The following GOLM2 variants were observed in gnomAD, a reference collection of about 807,000 sequenced individuals.
GOLM2 encodes golgi membrane protein 2, also known as protein GOLM2.
A neutral mutation model predicts 55.9 loss-of-function variants in GOLM2; 26 were observed. The observed-to-expected ratio is 0.47, with a 90% CI of 0.34 to 0.65. GOLM2 has a LOEUF of 0.65. GOLM2 is among the 30% of genes least tolerant of loss of function. The probability of loss-of-function intolerance (pLI) is 0.01; values close to 1 mark genes in which losing one functional copy is unlikely to be tolerated. For synonymous variants in GOLM2, 165 were observed against 194.6 expected (o/e 0.85, Z 1.27); for missense variants, 486 against 531.8 (o/e 0.91, Z 0.85).
chr15:44,396,356 A>C (rs1003911606), intron 8 of GOLM2, among the ~76,000 whole-genome samples: 2 of 149,044 alleles, frequency 1.3e-5, no homozygotes, highest in African/African-American at 5.0e-5. Context: ...AGACTCCATC[A>C]AAAAAAAAAA....
intron 1 of GOLM2, among the ~76,000 whole-genome samples, chr15:44,301,663 T>C (rs1020803548): frequency 4.0e-5 from 6 of 151,808 alleles, no homozygotes; most frequent in African/African-American, 1.5e-4. Flanking sequence ...AAAGATTGAG[T>C]GAGAGGTTTG....
chr15:44,302,753 A>T (rs2078807665), intron 1 of GOLM2, among the ~76,000 whole-genome samples: 1 of 152,074 alleles, frequency 6.6e-6, no homozygotes, highest in African/African-American at 2.4e-5. Flanking sequence ...GGCCTCCCAA[A>T]GTGTTGGGAT....
chr15:44,326,144 C>T (rs1367522271), intron 2 of GOLM2, among the ~76,000 whole-genome samples: 1 of 149,554 alleles, frequency 6.7e-6, no homozygotes, highest in South Asian at 2.1e-4. Flanking sequence ...TGCCTGTAAT[C>T]CCAGCAACTC....
rs935617240 is a variant in GOLM2 at position 44,289,194 on chromosome 15, C to T, written c.165C>T (p.Arg55=). The change falls in exon 1 of 10, where the codon CGC becomes CGT. Residue 55 remains arginine, a synonymous_variant. Transcript: ENST00000299957. The surrounding 1 kb of genome is among the most constrained non-coding windows in gnomAD (Gnocchi z 4.8). ...EVAELQGQVQ[R]TEVARGRLEK... Reference sequence around the variant, plus strand: ...CCGAGCTGCAGGGCCAGGTCCAGCGCACCGAAGTGGCCCGCGGGCGGCTGG... The same window carrying T: ...CCGAGCTGCAGGGCCAGGTCCAGCGTACCGAAGTGGCCCGCGGGCGGCTGG... The T allele has an allele frequency of 7.4e-6, 12 of 1,614,190 alleles. No individual in the cohort carries two copies. The highest frequency in any genetic ancestry group is 1.0e-5 in the Non-Finnish European group (12 of 1,180,028).
chr15:44,347,367 C>T (rs1344588210), intron 6 of GOLM2, among the ~76,000 whole-genome samples: 1 of 152,198 alleles, frequency 6.6e-6, no homozygotes, highest in Non-Finnish European at 1.5e-5. Context: ...CCCCCAACCC[C>T]TGCAGTGGCC....
chr15:44,323,839 C>T (rs1443831597), intron 2 of GOLM2, among the ~76,000 whole-genome samples: 1 of 152,092 alleles, frequency 6.6e-6, no homozygotes, highest in Non-Finnish European at 1.5e-5. Context: ...AAGTAGCCAA[C>T]CTTAGCTGGC....
intron 1 of GOLM2, among the ~76,000 whole-genome samples, chr15:44,302,269 C>T (rs2078804026): frequency 6.6e-6 from 1 of 151,518 alleles, no homozygotes; most frequent in South Asian, 2.1e-4. Flanking sequence ...CTCAGCCTCC[C>T]AAGTAGCTGG....
At chr15:44,348,188 T>C (rs927546885) in intron 6 of GOLM2, among the ~76,000 whole-genome samples, 1 of 152,104 alleles carries the variant, frequency 6.6e-6, no homozygotes, top group African/African-American at 2.4e-5. Context: ...GGAGATTAGG[T>C]CTTGCAGTGT....
At chr15:44,344,842 A>G (rs542668682) in intron 6 of GOLM2, among the ~76,000 whole-genome samples, 2 of 150,292 alleles carry the variant, frequency 1.3e-5, no homozygotes, top group Admixed American at 6.6e-5. Flanking sequence ...CAGTGGCGCA[A>G]TCTTGGCTCA....
intron 6 of GOLM2, among the ~76,000 whole-genome samples, chr15:44,368,594 G>C (rs1039164420): frequency 4.6e-5 from 7 of 151,584 alleles, no homozygotes; most frequent in African/African-American, 1.7e-4. Context: ...TTTCACTTTA[G>C]ATGTCGTACT....
chr15:44,297,404 G>A (rs2078763703), intron 1 of GOLM2, among the ~76,000 whole-genome samples: 1 of 152,026 alleles, frequency 6.6e-6, no homozygotes, highest in Non-Finnish European at 1.5e-5. Context: ...ACTATCTCCT[G>A]ACCCAAATTG....
chr15:44,362,890 A>G (rs1468714926), intron 6 of GOLM2, among the ~76,000 whole-genome samples: 1 of 152,208 alleles, frequency 6.6e-6, no homozygotes, highest in Non-Finnish European at 1.5e-5. Context: ...ATAACGCCGC[A>G]TATCTACAGC....
chr15:44,378,298 G>A (rs531330580), intron 6 of GOLM2, among the ~76,000 whole-genome samples: 50 of 150,520 alleles, frequency 3.3e-4, no homozygotes, highest in African/African-American at 7.1e-4. Context: ...CTCGTGAGCC[G>A]CCCGCCTCGG....
intron 1 of GOLM2, among the ~76,000 whole-genome samples, chr15:44,314,949 T>A (rs1595621550): frequency 1.3e-5 from 2 of 152,188 alleles, no homozygotes; most frequent in South Asian, 4.1e-4. Flanking sequence ...ACAAAAATAA[T>A]CATTTAATAC....
chr15:44,412,651 T>C (rs1478782926), intron 9 of GOLM2, among the ~76,000 whole-genome samples: 1 of 152,152 alleles, frequency 6.6e-6, no homozygotes, highest in Non-Finnish European at 1.5e-5. Context: ...TGAAAATGTG[T>C]ACAGAAATGT....
chr15:44,389,494 C>G (rs913427664), intron 8 of GOLM2, among the ~76,000 whole-genome samples: 3 of 152,064 alleles, frequency 2.0e-5, no homozygotes, highest in Admixed American at 6.6e-5. Flanking sequence ...CGCCACTGCA[C>G]TCCAGCTTAG....
intron 9 of GOLM2, among the ~76,000 whole-genome samples, chr15:44,404,510 C>T (rs964869273): frequency 4.6e-5 from 7 of 151,844 alleles, no homozygotes; most frequent in African/African-American, 1.7e-4. Context: ...TAAATATAAC[C>T]TTACAATATT....
chr15:44,395,846 TAATAA>T (rs1172873430), intron 8 of GOLM2, among the ~76,000 whole-genome samples: 2 of 151,748 alleles, frequency 1.3e-5, no homozygotes, highest in East Asian at 1.9e-4. Context: ...CTCAAAAATA[TAATAA>T]AATAAAATAA....
intron 6 of GOLM2, among the ~76,000 whole-genome samples, chr15:44,375,438 GT>G (rs2141189255): frequency 6.6e-6 from 1 of 152,192 alleles, no homozygotes; most frequent in African/African-American, 2.4e-5. Flanking sequence ...TTCTTAATTT[GT>G]TTGAGAAGTA....
Sources: gnomAD v4.1 joint callset for allele counts (sites outside exome capture counted in the v4.1 genomes callset) on GRCh38, gnomAD v4.1.1 for gene constraint, Gnocchi (gnomAD v3.1) non-coding constraint, MANE v1.5 for transcripts, NCBI Gene and HGNC (gene_info 2026-07-23, HGNC 2026-07-21) for gene names.